Variants in DENND1A observed in about 807,000 individuals in gnomAD.
The protein encoded by DENND1A is DENN domain-containing protein 1A.
In DENND1A, 51 loss-of-function variants were observed where a neutral mutation model predicts 113.7. The ratio of observed to expected loss-of-function variants is 0.45; its 90% CI spans 0.36 to 0.57. The LOEUF (loss-of-function observed/expected upper bound fraction) is 0.57, where lower values mean the gene tolerates loss of function less well. Among genes scored for constraint, DENND1A ranks in the 20% least tolerant of loss-of-function variants. DENND1A has a pLI of 0.00. For synonymous variants in DENND1A, 565 were observed against 570.8 expected (o/e 0.99, Z 0.14); for missense variants, 1,258 against 1,395.9 (o/e 0.90, Z 1.57).
At chr9:123,429,794 T>G (rs556646248) in intron 19 of DENND1A, among the ~76,000 whole-genome samples, 1 of 152,176 alleles carries the variant, frequency 6.6e-6, no homozygotes, top group South Asian at 2.1e-4. Context: ...GGGCAAAAAT[T>G]TCATGACGAA....
At chr9:123,528,866 G>C (rs2055060243) in intron 13 of DENND1A, among the ~76,000 whole-genome samples, 1 of 152,094 alleles carries the variant, frequency 6.6e-6, no homozygotes, top group Admixed American at 6.6e-5. Context: ...TTTCCTAAAT[G>C]TTTACCCATG....
Position 123,849,375 on chromosome 9 carries a change from T to A in DENND1A, c.88+29576A>T, listed in dbSNP as rs568953235. Among the ~76,000 whole-genome samples, 174 of 152,346 alleles carry A rather than the reference T, an allele frequency of 1.1e-3. 1 individual carries two copies. The highest frequency in any genetic ancestry group is 4.8e-3 in the South Asian group (23 of 4,824). On this transcript the variant is annotated intron_variant, in intron 2 of 23. Transcript: ENST00000394215. ...GGAACAAAGCCTGGATGCCAGCACA[T>A]CATTTTATAGCATGTATTACTATTT...
chr9:123,559,171 A>G (rs73578166), intron 12 of DENND1A, among the ~76,000 whole-genome samples: 9,604 of 152,188 alleles, frequency 0.063, 941 homozygotes, highest in African/African-American at 0.21. Flanking sequence ...GAGTTCAGGG[A>G]ACAGAAAGAA....
chr9:123,860,655 T>C (rs1456870172), intron 2 of DENND1A, among the ~76,000 whole-genome samples: 2 of 152,230 alleles, frequency 1.3e-5, no homozygotes, highest in Non-Finnish European at 2.9e-5. Context: ...CAGCTTCCCA[T>C]TTCCCCAGTG....
chr9:123,403,686 T>C, intron 20 of DENND1A, 196 bp from the exon 21 acceptor site: 3 of 588,198 alleles, frequency 5.1e-6, no homozygotes, highest in Non-Finnish European at 6.1e-6. Context: ...ACTGGAATTC[T>C]GTGGCCTATT....
At chr9:123,742,858 C>A (rs1182654610) in intron 5 of DENND1A, among the ~76,000 whole-genome samples, 1 of 152,094 alleles carries the variant, frequency 6.6e-6, no homozygotes, top group Non-Finnish European at 1.5e-5. Context: ...GCTAAATATC[C>A]CACTTGGAAA....
chr9:123,833,121 T>A lies in DENND1A; in HGVS notation c.89-40491A>T, dbSNP rs1216380385. Reference sequence around the variant, plus strand: ...GTCTGAACGATGGTGAGACCTCATCTCAAAAAAAAAAAAAAAAAAAAAAAA... The same window carrying A: ...GTCTGAACGATGGTGAGACCTCATCACAAAAAAAAAAAAAAAAAAAAAAAA... On this transcript the variant is annotated intron_variant, in intron 2 of 23. Coordinates refer to ENST00000394215, the MANE Select transcript of DENND1A (RefSeq NM_001352964.2). Among the ~76,000 whole-genome samples, 50 of 25,928 alleles carry A rather than the reference T, an allele frequency of 1.9e-3. No individual in the cohort carries two copies. In the Admixed American group the frequency reaches 0.027, roughly 14 times the overall value. 17.0% of individuals were successfully genotyped at this position (25,928 alleles called of 152,430 possible). A position where few individuals can be genotyped will look rare whatever the true frequency, so the allele number is the denominator to read the frequency against.
chr9:123,821,178 A>G (rs1382806956), intron 2 of DENND1A, among the ~76,000 whole-genome samples: 3 of 152,204 alleles, frequency 2.0e-5, no homozygotes, highest in African/African-American at 7.2e-5. Context: ...ACTAATGTGT[A>G]TTTTCCCTAA....
At chr9:123,854,039 T>C (rs1843778026) in intron 2 of DENND1A, among the ~76,000 whole-genome samples, 2 of 152,204 alleles carry the variant, frequency 1.3e-5, no homozygotes, top group African/African-American at 2.4e-5. Flanking sequence ...AATCACACTG[T>C]ACACATAATT....
intron 13 of DENND1A, among the ~76,000 whole-genome samples, chr9:123,473,248 A>G (rs750263152): frequency 2.0e-5 from 3 of 152,158 alleles, no homozygotes; most frequent in Non-Finnish European, 2.9e-5. Flanking sequence ...AGAGCCAGAC[A>G]GGCTGACTGA....
intron 5 of DENND1A, among the ~76,000 whole-genome samples, chr9:123,687,375 A>G (rs1399611674): frequency 3.3e-5 from 5 of 152,160 alleles, no homozygotes; most frequent in Non-Finnish European, 5.9e-5. Flanking sequence ...TTTGTAACCA[A>G]ACACTTCCCC....
intron 13 of DENND1A, among the ~76,000 whole-genome samples, chr9:123,494,172 C>A (rs1374435800): frequency 1.3e-5 from 2 of 152,156 alleles, no homozygotes; most frequent in Non-Finnish European, 2.9e-5. Flanking sequence ...CTGGAAGAGG[C>A]TCCAAAGATG....
At chr9:123,415,694 TCCCTGGG>T (rs2044667831) in intron 19 of DENND1A, among the ~76,000 whole-genome samples, 1 of 152,194 alleles carries the variant, frequency 6.6e-6, no homozygotes, top group Non-Finnish European at 1.5e-5. Flanking sequence ...GCAAGTGACT[TCCCTGGG>T]CCTCTGTGTC....
chr9:123,771,207 T>C (rs1449807825), intron 3 of DENND1A, among the ~76,000 whole-genome samples: 1 of 152,186 alleles, frequency 6.6e-6, no homozygotes, highest in Non-Finnish European at 1.5e-5. Context: ...TTAGATAAAC[T>C]GCAATAGGTA....
intron 3 of DENND1A, among the ~76,000 whole-genome samples, chr9:123,792,146 T>C (rs933866238): frequency 4.6e-5 from 7 of 152,174 alleles, no homozygotes; most frequent in Admixed American, 1.3e-4. Flanking sequence ...ATCTTCTCCT[T>C]CCAATACTAC....
chr9:123,904,864 C>G (rs1035725632), intron 1 of DENND1A, among the ~76,000 whole-genome samples: 11 of 152,076 alleles, frequency 7.2e-5, no homozygotes, highest in African/African-American at 1.7e-4. Flanking sequence ...GAACGCCACA[C>G]AGATACTCCT....
At chr9:123,407,943 A>G (rs1030529885) in intron 20 of DENND1A, among the ~76,000 whole-genome samples, 1 of 152,084 alleles carries the variant, frequency 6.6e-6, no homozygotes, top group African/African-American at 2.4e-5. Context: ...GCCCCAACCC[A>G]TGCCCCTTCG....
intron 13 of DENND1A, among the ~76,000 whole-genome samples, chr9:123,474,310 C>T (rs1179444837): frequency 6.6e-6 from 1 of 152,144 alleles, no homozygotes; most frequent in East Asian, 1.9e-4. Flanking sequence ...CATTTACTTT[C>T]ACAGCATTAT....
At chr9:123,896,154 A>T (rs189361580) in intron 1 of DENND1A, among the ~76,000 whole-genome samples, 16 of 152,148 alleles carry the variant, frequency 1.1e-4, no homozygotes, top group African/African-American at 2.9e-4. Context: ...ATAAAAAAAA[A>T]TTAAAAAATC....
Sources: gnomAD v4.1 joint callset for allele counts (sites outside exome capture counted in the v4.1 genomes callset) on GRCh38, gnomAD v4.1.1 for gene constraint, MANE v1.5 for transcripts, NCBI Gene and HGNC (gene_info 2026-07-23, HGNC 2026-07-21) for gene names.